The following CEACAM20 variants were observed in gnomAD, a reference collection of about 807,000 sequenced individuals.
CEACAM20 encodes cell adhesion molecule CEACAM20.
In CEACAM20, 50 loss-of-function variants were observed where a neutral mutation model predicts 61.2. The observed-to-expected ratio is 0.82, with a 90% CI of 0.65 to 1.03. The LOEUF is 1.03. Ranked by LOEUF, CEACAM20 falls within the 50% of genes least tolerant of loss-of-function variation. The pLI, the probability that CEACAM20 is intolerant of heterozygous loss-of-function variation, is 0.00. For synonymous variants in CEACAM20, 282 were observed against 287.7 expected (o/e 0.98, Z 0.20); for missense variants, 683 against 736.4 (o/e 0.93, Z 0.84).
intron 5 of CEACAM20, among the ~76,000 whole-genome samples, chr19:44,518,002 G>A (rs1002352593): frequency 4.0e-5 from 6 of 151,612 alleles, no homozygotes; most frequent in Non-Finnish European, 7.4e-5. Flanking sequence ...CTTGAACCTG[G>A]GAGGCCGAAG....
At chr19:44,512,766 G>T in intron 8 of CEACAM20, 102 bp downstream of exon 8, 1 of 912,982 alleles carries the variant, frequency 1.1e-6, no homozygotes, top group Non-Finnish European at 1.7e-6. Context: ...GGCTTGCCCT[G>T]ATCATACAGT....
At chr19:44,513,763 T>A (rs1971078871) in intron 6 of CEACAM20, among the ~76,000 whole-genome samples, 3 of 152,266 alleles carry the variant, frequency 2.0e-5, no homozygotes, top group African/African-American at 4.8e-5. Flanking sequence ...ATTAACAGCA[T>A]CATTTCTAAA....
chr19:44,523,027 G>A, intron 3 of CEACAM20, 115 bp from the exon 4 acceptor site: 1 of 895,114 alleles, frequency 1.1e-6, no homozygotes, highest in Admixed American at 2.5e-5. Flanking sequence ...TCAAAGGCTA[G>A]ATCAATTGCA....
At chr19:44,528,141 TTTCTTTTC>T (rs1401209615) in intron 1 of CEACAM20, among the ~76,000 whole-genome samples, 3 of 130,216 alleles carry the variant, frequency 2.3e-5, no homozygotes, top group Non-Finnish European at 4.7e-5. Context: ...TATCTCTTTC[TTTCTTTTC>T]TTTCTTTCTT....
chr19:44,520,138 C>T (rs1262790128), intron 5 of CEACAM20, among the ~76,000 whole-genome samples: 1 of 152,216 alleles, frequency 6.6e-6, no homozygotes, highest in African/African-American at 2.4e-5. Flanking sequence ...GGGTCTGCTT[C>T]TCCAAGGATC....
At chr19:44,522,410 G>GT (rs1292100463) in intron 4 of CEACAM20, among the ~76,000 whole-genome samples, 1 of 151,710 alleles carries the variant, frequency 6.6e-6, no homozygotes, top group Non-Finnish European at 1.5e-5. Context: ...GCCTCTTAAG[G>GT]TTTTTTTTCA....
chr19:44,510,585 AAAG>A (rs1970953629), intron 11 of CEACAM20, among the ~76,000 whole-genome samples: 1 of 52,500 alleles, frequency 1.9e-5, no homozygotes, highest in Non-Finnish European at 3.4e-5. Flanking sequence ...AGAAAGAAAG[AAAG>A]AAAGAAAGAA....
At chr19:44,528,140 CTTTCTTTTCTTTCTTTCT>C (rs1344068714) in intron 1 of CEACAM20, among the ~76,000 whole-genome samples, 1 of 129,694 alleles carries the variant, frequency 7.7e-6, no homozygotes, top group African/African-American at 3.3e-5. Context: ...GTATCTCTTT[CTTTCTTTTCTTTCTTTCT>C]TTTCTTTCTT....
At chr19:44,516,382 C>T (rs550106647) in intron 6 of CEACAM20, among the ~76,000 whole-genome samples, 1 of 152,246 alleles carries the variant, frequency 6.6e-6, no homozygotes, top group Admixed American at 6.5e-5. Flanking sequence ...TCCCATAATT[C>T]CCAAGTGTTG....
In CEACAM20 at chr19:44,525,201, G is replaced by A. The variant is rs779876265; in HGVS notation, c.96C>T (p.Leu32=). The change falls in exon 2 of 12, where the codon CTC becomes CTT. Residue 32 remains leucine (L), a synonymous_variant. Coordinates refer to ENST00000614924, the MANE Select transcript of CEACAM20 (RefSeq NM_001102597.3). ...TVWSPPAAAQ[L]TLNANPLDAT... is the part of the protein sequence containing the mutation. Reference sequence around the variant, plus strand: ...CATCAAGTGGGTTGGCATTGAGGGTGAGCTGGGCTGCAGCTGGAGGACTCC... The same window carrying A: ...CATCAAGTGGGTTGGCATTGAGGGTAAGCTGGGCTGCAGCTGGAGGACTCC... 1 of 1,609,116 alleles carries A rather than the reference G, an allele frequency of 6.2e-7. No homozygotes were observed. Among genetic ancestry groups the A allele is most frequent in the Admixed American group, 1.7e-5 (1 of 59,322 alleles).
chr19:44,528,578 C>T (rs1032235903), intron 1 of CEACAM20, among the ~76,000 whole-genome samples: 4 of 151,996 alleles, frequency 2.6e-5, no homozygotes, highest in East Asian at 1.9e-4. Context: ...TGTCTCTGTG[C>T]GTATCTCTTC....
rs761984640 is a variant in CEACAM20, at chr19:44,511,684, C to T, written c.1576-12G>A. ...TCTGGTGGTTGCATCTGGGGAAAAA[C>T]AAAGTTGCAGAGAGGTCATAGGGCT... On this transcript the variant is annotated splice_polypyrimidine_tract_variant and intron_variant, in intron 9 of 11. Coordinates refer to ENST00000614924, the MANE Select transcript of CEACAM20 (RefSeq NM_001102597.3). 1 of 1,612,006 alleles carries T rather than the reference C, an allele frequency of 6.2e-7. No homozygotes were observed. Among genetic ancestry groups the T allele is most frequent in the Non-Finnish European group, 8.5e-7 (1 of 1,179,204 alleles).
intron 1 of CEACAM20, among the ~76,000 whole-genome samples, chr19:44,528,239 TC>T (rs1401826973): frequency 1.4e-5 from 2 of 147,996 alleles, no homozygotes; most frequent in African/African-American, 5.3e-5. Context: ...TTCTTCTTTT[TC>T]TTTTTTTTGA....
chr19:44,516,969 G>T lies in CEACAM20; in HGVS notation c.1286C>A (p.Thr429Asn). 1.3e-6 allele frequency: 2 copies of T among 1,599,298 alleles called. No homozygotes were observed. Among genetic ancestry groups the T allele is most frequent in the Non-Finnish European group, 1.7e-6 (2 of 1,173,400 alleles). The change falls in exon 6 of 12, where the codon ACT becomes AAT. Residue 429 changes from threonine (T) to asparagine (N), a missense_variant. Physicochemically the swap from Thr to Asn is moderately conservative, Grantham distance 65. Transcript: ENST00000614924. ...SNSLTGLARSTSVLVKVVGPQ... is the reference protein window; with the variant it reads ...SNSLTGLARSNSVLVKVVGPQ... Reference sequence around the variant, plus strand: ...ACCTACCACCTTGACCAGGACTGAAGTGGAGCGGGCCAGGCCAGTGAGAGA... The same window carrying T: ...ACCTACCACCTTGACCAGGACTGAATTGGAGCGGGCCAGGCCAGTGAGAGA...
At chr19:44,516,393 T>TG (rs1231148410) in intron 6 of CEACAM20, among the ~76,000 whole-genome samples, 1 of 152,164 alleles carries the variant, frequency 6.6e-6, no homozygotes, top group Non-Finnish European at 1.5e-5. Context: ...CCAAGTGTTG[T>TG]GGGAGGGACC....
At chr19:44,514,736 G>A (rs1269414660) in intron 6 of CEACAM20, among the ~76,000 whole-genome samples, 2 of 152,082 alleles carry the variant, frequency 1.3e-5, no homozygotes, top group African/African-American at 4.8e-5. Flanking sequence ...TCAGATTACA[G>A]GCATGAGCCA....
intron 4 of CEACAM20, among the ~76,000 whole-genome samples, chr19:44,521,705 C>T (rs976022861): frequency 4.6e-5 from 7 of 151,356 alleles, no homozygotes; most frequent in African/African-American, 1.7e-4. Context: ...AGTTGTACAC[C>T]TCTGTTGTGT....
intron 11 of CEACAM20, among the ~76,000 whole-genome samples, chr19:44,510,521 AAAG>A (rs1970940529): frequency 6.7e-6 from 1 of 150,156 alleles, no homozygotes; most frequent in Non-Finnish European, 1.5e-5. Context: ...TCAAAAAAAA[AAAG>A]AAAGATGAAA....
At chr19:44,511,918 G>A in intron 9 of CEACAM20, 99 bp downstream of exon 9, 1 of 1,199,690 alleles carries the variant, frequency 8.3e-7, no homozygotes, top group Non-Finnish European at 1.2e-6. Flanking sequence ...CCTGGCACTG[G>A]GTTTTCTCAA....
Sources: allele counts gnomAD v4.1 joint callset (sites outside exome capture counted in the v4.1 genomes callset), GRCh38; gene constraint gnomAD v4.1.1; transcripts MANE v1.5; gene names NCBI Gene and HGNC (gene_info 2026-07-23, HGNC 2026-07-21).